The following KATNA1 variants were observed in gnomAD, a reference collection of about 807,000 sequenced individuals.
KATNA1 encodes katanin p60 ATPase-containing subunit A1.
KATNA1 carries 42 observed loss-of-function variants against 62.6 expected under a neutral mutation model. The ratio of observed to expected loss-of-function variants is 0.67; its 90% confidence interval spans 0.52 to 0.87. The LOEUF (loss-of-function observed/expected upper bound fraction) is 0.87. KATNA1 is among the 40% of genes least tolerant of loss of function. The probability of loss-of-function intolerance (pLI) is 0.00; values close to 1 mark genes in which losing one functional copy is unlikely to be tolerated. For missense variants in KATNA1, 498 were observed against 612.5 expected (o/e 0.81, Z 1.97); for synonymous variants, 186 against 201.9 (o/e 0.92, Z 0.67).
chr6:149,621,184 C>T (rs1400208396), intron 4 of KATNA1, among the ~76,000 whole-genome samples: 3 of 146,810 alleles, frequency 2.0e-5, no homozygotes, highest in African/African-American at 5.1e-5. Context: ...AGTGCAGTGG[C>T]GCGATCTTAG....
intron 5 of KATNA1, 92 bp downstream of exon 5, chr6:149,604,569 G>T: frequency 1.5e-6 from 2 of 1,340,448 alleles, no homozygotes; most frequent in Non-Finnish European, 1.1e-6. Flanking sequence ...CTGTCCTCAA[G>T]CTCTGCTCTT....
chr6:149,606,329 T>G (rs996052996), intron 4 of KATNA1, among the ~76,000 whole-genome samples: 2 of 152,168 alleles, frequency 1.3e-5, no homozygotes, highest in Admixed American at 6.6e-5. Context: ...AAGATACTTA[T>G]GAATATTATA....
chr6:149,597,318 TA>T, intron 9 of KATNA1, 129 bp from the exon 10 acceptor site: 24 of 1,228,520 alleles, frequency 2.0e-5, no homozygotes, highest in Non-Finnish European at 2.7e-5. Context: ...GATAATTAAG[TA>T]AAGAGCCATT....
intron 3 of KATNA1, 150 bp from the exon 4 acceptor site, chr6:149,623,433 TA>T (rs1779486676): frequency 1.8e-6 from 1 of 555,612 alleles, no homozygotes; most frequent in African/African-American, 1.9e-5. Context: ...TGTTGAAACC[TA>T]AGATCTAAAA....
intron 5 of KATNA1, among the ~76,000 whole-genome samples, 193 bp downstream of exon 5, chr6:149,604,468 A>G (rs1236422193): frequency 6.6e-6 from 1 of 152,086 alleles, no homozygotes; most frequent in Non-Finnish European, 1.5e-5. Flanking sequence ...CCTGTCTCTA[A>G]AAAACAAAAA....
chr6:149,628,492 G>T (rs939215327), intron 3 of KATNA1, among the ~76,000 whole-genome samples: 2 of 151,770 alleles, frequency 1.3e-5, no homozygotes, highest in African/African-American at 4.8e-5. Context: ...AAATTTAGCT[G>T]ATCATAAGGT....
chr6:149,599,437 A>G (rs1405932418), intron 7 of KATNA1, among the ~76,000 whole-genome samples: 1 of 152,176 alleles, frequency 6.6e-6, no homozygotes, highest in Non-Finnish European at 1.5e-5. Flanking sequence ...AGGAAAGGCT[A>G]TGTGTCCTGG....
chr6:149,629,536 G>T (rs750259898), intron 3 of KATNA1, among the ~76,000 whole-genome samples: 3 of 152,092 alleles, frequency 2.0e-5, no homozygotes, highest in Non-Finnish European at 4.4e-5. Context: ...ACTAATACAA[G>T]ACCCAAGTGA....
chr6:149,636,939 G>T (rs534645562), intron 2 of KATNA1, among the ~76,000 whole-genome samples: 3 of 150,960 alleles, frequency 2.0e-5, no homozygotes, highest in Non-Finnish European at 4.4e-5. Context: ...ACCATGCCCC[G>T]CAAGACTTAT....
At chr6:149,634,085 C>T (rs1408701301) in intron 2 of KATNA1, among the ~76,000 whole-genome samples, 1 of 151,896 alleles carries the variant, frequency 6.6e-6, no homozygotes, top group Non-Finnish European at 1.5e-5. Flanking sequence ...CCAGCCTGGC[C>T]AACATGTTGA....
intron 4 of KATNA1, among the ~76,000 whole-genome samples, chr6:149,622,286 C>A (rs1779430635): frequency 6.6e-6 from 1 of 152,066 alleles, no homozygotes; most frequent in Admixed American, 6.6e-5. Flanking sequence ...GCGCCCGCCA[C>A]CACGGCTAAT....
rs367852831 is a variant in KATNA1, at chr6:149,595,025, C to T, written c.*11G>A. The T allele has an allele frequency of 1.1e-5, 17 of 1,590,760 alleles. No homozygotes were observed. Among genetic ancestry groups the T allele is most frequent in the Non-Finnish European group, 1.5e-5 (17 of 1,158,976 alleles). ...CTTAAGGCACATTTCTCACAGTTTA[C>T]ATGTGAGAATTTAGCATGATCCAAA... On this transcript the variant is annotated 3_prime_UTR_variant, in exon 11 of 11. Coordinates refer to ENST00000367411, the MANE Select transcript of KATNA1 (RefSeq NM_007044.4).
intron 4 of KATNA1, among the ~76,000 whole-genome samples, chr6:149,610,405 CTCTTT>C (rs534238099): frequency 4.6e-5 from 7 of 152,056 alleles, no homozygotes; most frequent in African/African-American, 1.4e-4. Context: ...AAAATACATA[CTCTTT>C]TCAAGTGTTC....
rs1369244501 is a variant in KATNA1 at position 149,613,193 on chromosome 6, A to C, written c.502-8411T>G. Reference sequence around the variant, plus strand: ...AGACTCTGTCTCAAAAAAAAAAAAAAAAAAAAAAAAAAAAAAAAAAAAAAG... The same window carrying C: ...AGACTCTGTCTCAAAAAAAAAAAAACAAAAAAAAAAAAAAAAAAAAAAAAG... On this transcript the variant is annotated intron_variant, in intron 4 of 10. Coordinates refer to ENST00000367411, the MANE Select transcript of KATNA1 (RefSeq NM_007044.4). Among the ~76,000 whole-genome samples the C allele has an allele frequency of 4.0e-3, 477 of 118,312 alleles. 19 individuals are homozygous for C. Among genetic ancestry groups the C allele is most frequent in the African/African-American group, 0.021 (457 of 21,942 alleles). The allele number at this position is 118,312 out of a possible 152,430, so 77.6% of individuals were successfully genotyped here.
chr6:149,645,456 C>CAAAAAAAAA (rs201041700), intron 1 of KATNA1, among the ~76,000 whole-genome samples: 14 of 123,778 alleles, frequency 1.1e-4, no homozygotes, highest in East Asian at 4.2e-4. Context: ...AAACAAAAAA[C>CAAAAAAAAA]AAAAAAAAAA....
At chr6:149,611,528 TAA>T (rs1360012195) in intron 4 of KATNA1, among the ~76,000 whole-genome samples, 20 of 132,606 alleles carry the variant, frequency 1.5e-4, no homozygotes, top group African/African-American at 4.8e-4. Context: ...CAAAAAGCAA[TAA>T]AGTTAAAAAC....
chr6:149,621,578 C>T (rs1779398467), intron 4 of KATNA1, among the ~76,000 whole-genome samples: 1 of 151,758 alleles, frequency 6.6e-6, no homozygotes, highest in South Asian at 2.1e-4. Context: ...CTGCAACCTC[C>T]GCCTCCCGGG....
At position 149,597,531 on chromosome 6, in the gene KATNA1, GT is replaced by G. The variant is rs760873299; in HGVS notation, c.1125del (p.Lys375AsnfsTer19). 1 of 1,613,898 alleles carries G rather than the reference GT, an allele frequency of 6.2e-7. No individual in the cohort carries two copies. The highest frequency in any genetic ancestry group is 1.3e-5 in the African/African-American group (1 of 74,930). On this transcript the variant is annotated frameshift_variant, in exon 9 of 11. Coordinates refer to ENST00000367411, the MANE Select transcript of KATNA1 (RefSeq NM_007044.4). LOFTEE classifies it high-confidence loss of function. ...IDEALRRRLEKRIYIPLPSAK... is the reference protein window; with the variant it reads ...IDEALRRRLEXRIYIPLPSAK... ...CCTGACGGCAAAGGAATATAGATTC[GT>G]TTCTCAAGGCGTCGTCTTAAAGCCT...
chr6:149,600,210 A>G lies in KATNA1; in HGVS notation c.888+1384T>C, dbSNP rs576737514. 7.3e-5 allele frequency among the ~76,000 whole-genome samples: 11 copies of G among 150,782 alleles called. No homozygotes were observed. In the East Asian group the frequency reaches 2.1e-3, roughly 29 times the overall value. ...AGCTTATCTTAAAAAAAAAAAAAAA[A>G]AAAAAAAAAAGCTGAACACAATGGC... On this transcript the variant is annotated intron_variant, in intron 7 of 10. Transcript: ENST00000367411.
Sources: allele counts gnomAD v4.1 joint callset (sites outside exome capture counted in the v4.1 genomes callset), GRCh38; gene constraint gnomAD v4.1.1; transcripts MANE v1.5; gene names NCBI Gene and HGNC (gene_info 2026-07-23, HGNC 2026-07-21).